The following RALYL variants were observed in gnomAD, a reference collection of about 807,000 sequenced individuals.
The protein encoded by RALYL is RALY RNA binding protein like.
Under a neutral mutation model 35.1 loss-of-function variants are expected in RALYL, and 29 were observed. The observed-to-expected ratio is 0.83, with a 90% CI of 0.61 to 1.13. RALYL has a LOEUF of 1.13. RALYL is among the 50% of genes most tolerant of loss of function. The pLI, the probability that RALYL is intolerant of heterozygous loss-of-function variation, is 0.00. For synonymous variants in RALYL, 120 were observed against 127.6 expected, an observed-to-expected ratio of 0.94 and a Z score of 0.40; for missense variants, 359 against 360.4, an observed-to-expected ratio of 1.00 and a Z score of 0.03.
At chr8:84,825,137 A>C (rs1471008703) in intron 4 of RALYL, among the ~76,000 whole-genome samples, 1 of 152,164 alleles carries the variant, frequency 6.6e-6, no homozygotes, top group Non-Finnish European at 1.5e-5. Flanking sequence ...TCTTTAAGGA[A>C]CTTAAATCAT....
intron 1 of RALYL, among the ~76,000 whole-genome samples, chr8:84,440,608 T>C (rs974792468): frequency 1.3e-5 from 2 of 152,120 alleles, no homozygotes; most frequent in African/African-American, 4.8e-5. Flanking sequence ...ATAAACCTAC[T>C]CTCTTAAGTC....
intron 2 of RALYL, among the ~76,000 whole-genome samples, chr8:84,648,343 T>C (rs993625434): frequency 4.6e-5 from 7 of 152,046 alleles, no homozygotes; most frequent in African/African-American, 1.7e-4. Context: ...AAGCTCCCCA[T>C]CATAAACAAA....
intron 4 of RALYL, among the ~76,000 whole-genome samples, chr8:84,808,405 G>A (rs1431905188): frequency 6.6e-6 from 1 of 152,048 alleles, no homozygotes; most frequent in Admixed American, 6.5e-5. Flanking sequence ...TGGTGACTAT[G>A]TCCTTGTAAT....
At chr8:84,282,432 A>G (rs1836754028) in intron 1 of RALYL, among the ~76,000 whole-genome samples, 1 of 151,952 alleles carries the variant, frequency 6.6e-6, no homozygotes, top group African/African-American at 2.4e-5. Context: ...CAATATTTCT[A>G]TTTTTATTTC....
intron 1 of RALYL, among the ~76,000 whole-genome samples, chr8:84,433,870 T>C (rs1424295072): frequency 6.6e-6 from 1 of 151,688 alleles, no homozygotes; most frequent in African/African-American, 2.4e-5. Flanking sequence ...TATAATACCA[T>C]GTGTAACATT....
intron 1 of RALYL, among the ~76,000 whole-genome samples, chr8:84,428,746 CAT>C (rs1427969945): frequency 6.6e-6 from 1 of 152,040 alleles, no homozygotes; most frequent in Non-Finnish European, 1.5e-5. Flanking sequence ...ACACAGAAAA[CAT>C]ATATAGGGTG....
chr8:84,684,759 C>A (rs1588995055), intron 2 of RALYL, among the ~76,000 whole-genome samples: 1 of 152,292 alleles, frequency 6.6e-6, no homozygotes, highest in Non-Finnish European at 1.5e-5. Flanking sequence ...AAAGGCCATA[C>A]ATGGCATATA....
At chr8:84,786,870 T>C (rs1819610065) in intron 3 of RALYL, among the ~76,000 whole-genome samples, 1 of 152,214 alleles carries the variant, frequency 6.6e-6, no homozygotes, top group African/African-American at 2.4e-5. Context: ...TTTGCTGTGA[T>C]TGCTTTTGGT....
At chr8:84,663,311 T>C (rs577294895) in intron 2 of RALYL, among the ~76,000 whole-genome samples, 1 of 152,340 alleles carries the variant, frequency 6.6e-6, no homozygotes, top group South Asian at 2.1e-4. Flanking sequence ...CATGTATCTT[T>C]ATAATAGAAT....
chr8:84,739,670 A>G (rs1847930542), intron 2 of RALYL, among the ~76,000 whole-genome samples: 1 of 151,866 alleles, frequency 6.6e-6, no homozygotes, highest in African/African-American at 2.4e-5. Flanking sequence ...GACAATAATT[A>G]TCAATGTAGT....
At chr8:84,596,357 T>A (rs1814535866) in intron 2 of RALYL, among the ~76,000 whole-genome samples, 1 of 152,126 alleles carries the variant, frequency 6.6e-6, no homozygotes. Context: ...GAAAACCATA[T>A]CCCTCTTCTG....
chr8:84,195,742 G>A (rs903222582), intron 1 of RALYL, among the ~76,000 whole-genome samples: 1 of 151,922 alleles, frequency 6.6e-6, no homozygotes, highest in African/African-American at 2.4e-5. Flanking sequence ...TAGAGAAGAG[G>A]TGTGTAGACA....
At chr8:84,463,479 T>G (rs1252420535) in intron 1 of RALYL, among the ~76,000 whole-genome samples, 1 of 152,016 alleles carries the variant, frequency 6.6e-6, no homozygotes, top group Non-Finnish European at 1.5e-5. Context: ...GGGGACTAAT[T>G]TTAATTAATT....
chr8:84,821,572 GT>G (rs1463648453), intron 4 of RALYL, among the ~76,000 whole-genome samples: 1 of 152,188 alleles, frequency 6.6e-6, no homozygotes, highest in Non-Finnish European at 1.5e-5. Flanking sequence ...GCTAGCAACA[GT>G]TTTAAAGCCT....
chr8:84,873,653 T>A (rs1369954746), intron 7 of RALYL, among the ~76,000 whole-genome samples: 1 of 152,200 alleles, frequency 6.6e-6, no homozygotes, highest in East Asian at 1.9e-4. Flanking sequence ...TAATCAGTAG[T>A]AGTTGAGTCA....
intron 1 of RALYL, among the ~76,000 whole-genome samples, chr8:84,407,332 A>G (rs571241276): frequency 2.6e-5 from 4 of 152,288 alleles, no homozygotes; most frequent in African/African-American, 9.6e-5. Context: ...TTCCATATTT[A>G]AGAGAATATG....
At chr8:84,793,925 G>A (rs187669019) in intron 3 of RALYL, among the ~76,000 whole-genome samples, 38 of 152,256 alleles carry the variant, frequency 2.5e-4, no homozygotes, top group Non-Finnish European at 4.3e-4. Context: ...CAAAACACAC[G>A]TAAAAATGAG....
intron 1 of RALYL, among the ~76,000 whole-genome samples, chr8:84,427,336 T>C (rs2046607674): frequency 6.6e-6 from 1 of 152,226 alleles, no homozygotes; most frequent in Non-Finnish European, 1.5e-5. Context: ...ATAACAAAAC[T>C]GATAATAGCA....
chr8:84,536,842 C>T (rs1198540093), intron 2 of RALYL, among the ~76,000 whole-genome samples: 1 of 152,160 alleles, frequency 6.6e-6, no homozygotes, highest in East Asian at 1.9e-4. Flanking sequence ...AAAGTTAGTG[C>T]TTCAGCTACT....
Sources: gnomAD v4.1 joint callset for allele counts (sites outside exome capture counted in the v4.1 genomes callset) on GRCh38, gnomAD v4.1.1 for gene constraint, MANE v1.5 for transcripts, NCBI Gene and HGNC (gene_info 2026-07-23, HGNC 2026-07-21) for gene names.